Variants in ABRAXAS2 observed in about 807,000 individuals in gnomAD.
ABRAXAS2 encodes abraxas 2, BRISC complex subunit, also known as BRISC complex subunit Abraxas 2.
ABRAXAS2 carries 23 observed loss-of-function variants against 49.0 expected under a neutral mutation model. That is an observed-to-expected ratio of 0.47 (90% CI 0.34 to 0.66). The LOEUF (loss-of-function observed/expected upper bound fraction) is 0.66, where lower values mean the gene tolerates loss of function less well. ABRAXAS2 is among the 30% of genes least tolerant of loss of function. The pLI is 0.01. For missense variants in ABRAXAS2, 443 were observed against 511.9 expected, an observed-to-expected ratio of 0.87 and a Z score of 1.30; for synonymous variants, 168 against 180.2, an observed-to-expected ratio of 0.93 and a Z score of 0.54.
In ABRAXAS2 at chr10:124,831,454, CAAGA is replaced by C. The variant is rs770682699; in HGVS notation, c.775_778del (p.Arg259AspfsTer7). 5 of 1,560,590 alleles carry C rather than the reference CAAGA, an allele frequency of 3.2e-6. No individual in the cohort carries two copies. The highest frequency in any genetic ancestry group is 3.5e-6 in the Non-Finnish European group (4 of 1,133,540). On this transcript the variant is annotated frameshift_variant, in exon 8 of 9. Transcript: ENST00000298492. LOFTEE classifies it high-confidence loss of function. Reference sequence around the variant, plus strand: ...CACTCAGAGGAAAAATGAAAAGGAACAAGAAAGAAGTAAGTTTCTTATTAATTTT... The same window carrying C: ...CACTCAGAGGAAAAATGAAAAGGAACAAGAAGTAAGTTTCTTATTAATTTT...
chr10:124,836,099 G>A lies in ABRAXAS2; in HGVS notation c.*1128G>A, dbSNP rs1950967026. The A allele has an allele frequency of 6.6e-6, 1 of 152,654 alleles. No individual in the cohort carries two copies. Among genetic ancestry groups the A allele is most frequent in the East Asian group, 1.9e-4 (1 of 5,184 alleles). The allele number at this position is 152,654 out of a possible 1,614,324, so 9.5% of individuals were successfully genotyped here. The stretch of plus-strand genomic sequence containing the variant: ...AAACCACTAAGACATTCAGGAGCAT[G>A]TTGAGCTTCTGGTTTGGAAACAGCA... On this transcript the variant is annotated 3_prime_UTR_variant, in exon 9 of 9. Transcript: ENST00000298492.
intron 4 of ABRAXAS2, among the ~76,000 whole-genome samples, chr10:124,820,575 A>G (rs1237115979): frequency 1.3e-5 from 2 of 152,050 alleles, no homozygotes; most frequent in Non-Finnish European, 2.9e-5. Flanking sequence ...TCCACCTCCC[A>G]GGTTCAAGCA....
At chr10:124,827,877 GT>G (rs1244920928) in intron 5 of ABRAXAS2, among the ~76,000 whole-genome samples, 1 of 152,096 alleles carries the variant, frequency 6.6e-6, no homozygotes, top group African/African-American at 2.4e-5. Flanking sequence ...GAAAATAATT[GT>G]TAATTGTTAA....
chr10:124,819,948 T>C (rs1950851300), intron 4 of ABRAXAS2, among the ~76,000 whole-genome samples: 1 of 152,246 alleles, frequency 6.6e-6, no homozygotes, highest in African/African-American at 2.4e-5. Flanking sequence ...CAGTAGTGTC[T>C]AATAATGCCA....
intron 6 of ABRAXAS2, 55 bp downstream of exon 6, chr10:124,828,930 T>C: frequency 6.4e-7 from 1 of 1,573,554 alleles, no homozygotes; most frequent in Non-Finnish European, 8.7e-7. Flanking sequence ...ATTTCTTTTG[T>C]TAATAACATT....
chr10:124,803,932 C>G (rs559862411), intron 1 of ABRAXAS2, among the ~76,000 whole-genome samples: 2 of 152,056 alleles, frequency 1.3e-5, no homozygotes, highest in African/African-American at 4.8e-5. Flanking sequence ...GCTTACAGGC[C>G]GTACATTAAT....
At chr10:124,816,309 C>T (rs1305383013) in intron 2 of ABRAXAS2, among the ~76,000 whole-genome samples, 2 of 152,112 alleles carry the variant, frequency 1.3e-5, no homozygotes, top group East Asian at 1.9e-4. Context: ...ACAATAGCTG[C>T]GTATTCCTAA....
intron 1 of ABRAXAS2, among the ~76,000 whole-genome samples, chr10:124,802,684 C>A (rs926776856): frequency 1.3e-5 from 2 of 152,150 alleles, no homozygotes; most frequent in African/African-American, 4.8e-5. Flanking sequence ...GAAACTAGAT[C>A]ACTTCTCTCT....
chr10:124,821,644 A>G (rs1320957472), intron 4 of ABRAXAS2, among the ~76,000 whole-genome samples: 1 of 152,200 alleles, frequency 6.6e-6, no homozygotes, highest in Admixed American at 6.5e-5. Context: ...ATCAGGAAAC[A>G]CAAATTGAAA....
chr10:124,827,721 G>T (rs1297984034), intron 5 of ABRAXAS2, among the ~76,000 whole-genome samples: 1 of 149,980 alleles, frequency 6.7e-6, no homozygotes, highest in African/African-American at 2.5e-5. Flanking sequence ...GCTGGTTAAC[G>T]AGGGTTTTGC....
intron 1 of ABRAXAS2, among the ~76,000 whole-genome samples, chr10:124,805,348 A>AC (rs1216997147): frequency 2.0e-5 from 3 of 152,140 alleles, no homozygotes; most frequent in Non-Finnish European, 4.4e-5. Flanking sequence ...CTCAAAAAAA[A>AC]AAAAAAAAAG....
At chr10:124,818,712 GC>G (rs1400517152) in intron 3 of ABRAXAS2, among the ~76,000 whole-genome samples, 1 of 152,138 alleles carries the variant, frequency 6.6e-6, no homozygotes, top group Non-Finnish European at 1.5e-5. Context: ...AGTAGAGGAG[GC>G]CCACGCATCA....
At chr10:124,831,874 G>A (rs973066500) in intron 8 of ABRAXAS2, among the ~76,000 whole-genome samples, 6 of 73,034 alleles carry the variant, frequency 8.2e-5, no homozygotes, top group East Asian at 8.7e-4. Context: ...TTTTTTTTTA[G>A]ACGGAATCTC....
chr10:124,809,379 G>T (rs781155594), intron 2 of ABRAXAS2, among the ~76,000 whole-genome samples: 7 of 151,986 alleles, frequency 4.6e-5, no homozygotes, highest in Non-Finnish European at 8.8e-5. Flanking sequence ...CCGCATCCCG[G>T]GTTCAAGCGA....
intron 8 of ABRAXAS2, among the ~76,000 whole-genome samples, chr10:124,832,572 C>T (rs371594877): frequency 2.3e-4 from 35 of 152,124 alleles, no homozygotes; most frequent in African/African-American, 6.5e-4. Context: ...GGGCTGGGCG[C>T]GGTGGCTCAC....
At chr10:124,819,578 C>T in intron 4 of ABRAXAS2, 128 bp downstream of exon 4, 3 of 855,094 alleles carry the variant, frequency 3.5e-6, no homozygotes, top group Non-Finnish European at 1.8e-6. Context: ...TGTTAACCTA[C>T]ATAGATTTTT....
In ABRAXAS2 at chr10:124,801,989, G is replaced by A. The variant is rs555968180; in HGVS notation, c.72+88G>A. On this transcript the variant is annotated intron_variant, in intron 1 of 8. Coordinates refer to ENST00000298492, the MANE Select transcript of ABRAXAS2 (RefSeq NM_032182.4). Reference sequence around the variant, plus strand: ...TCGCGGCCAAGCCGGGACCTCATGCGGCTCGCCCCCTGGGCACCAGGGCCG... The same window carrying A: ...TCGCGGCCAAGCCGGGACCTCATGCAGCTCGCCCCCTGGGCACCAGGGCCG... 18 of 1,387,200 alleles carry A rather than the reference G, an allele frequency of 1.3e-5. No individual in the cohort carries two copies. In the East Asian group the frequency reaches 1.9e-4, roughly 15 times the overall value. 85.9% of individuals were successfully genotyped at this position (1,387,200 alleles called of 1,614,324 possible).
intron 1 of ABRAXAS2, among the ~76,000 whole-genome samples, chr10:124,802,474 C>G (rs1305701828): frequency 6.6e-6 from 1 of 152,096 alleles, no homozygotes; most frequent in East Asian, 1.9e-4. Flanking sequence ...TTTTGTATTT[C>G]CTTGAAGTTG....
rs751982161 is a variant in ABRAXAS2, at chr10:124,834,842, C to G, written c.1119C>G (p.Asp373Glu). ...CTGGAGACAGTGGTGAGGATTCAGA[C>G]GACAGTGATTATGAAAATTTGATTG... ...RAAGDSGEDS[D>E]DSDYENLIDP... The change falls in exon 9 of 9, where the codon GAC (aspartate) becomes GAG (glutamate). Residue 373 changes from aspartate to glutamate, a missense_variant. Coordinates refer to ENST00000298492, the MANE Select transcript of ABRAXAS2 (RefSeq NM_032182.4). The G allele has an allele frequency of 1.2e-6, 2 of 1,614,018 alleles. No individual in the cohort carries two copies. Among genetic ancestry groups the G allele is most frequent in the South Asian group, 2.2e-5 (2 of 91,078 alleles).
Sources: gnomAD v4.1 joint callset for allele counts (sites outside exome capture counted in the v4.1 genomes callset) on GRCh38, gnomAD v4.1.1 for gene constraint, MANE v1.5 for transcripts, NCBI Gene and HGNC (gene_info 2026-07-23, HGNC 2026-07-21) for gene names.